The following PHKA1 variants were observed in gnomAD, a reference collection of about 807,000 sequenced individuals.
The protein encoded by PHKA1 is phosphorylase kinase regulatory subunit alpha 1, also known as phosphorylase b kinase regulatory subunit alpha, skeletal muscle isoform.
PHKA1 carries 60 observed loss-of-function variants against 110.2 expected under a neutral mutation model. The ratio of observed to expected loss-of-function variants is 0.54; its 90% CI spans 0.44 to 0.68. PHKA1 has a LOEUF of 0.68. PHKA1 is among the 30% of genes least tolerant of loss of function. The pLI is 0.00. For synonymous variants in PHKA1, 316 were observed against 333.6 expected, an observed-to-expected ratio of 0.95 and a Z score of 0.58; for missense variants, 801 against 942.5, an observed-to-expected ratio of 0.85 and a Z score of 1.97.
chrX:72,648,947 A>G (rs782338376), intron 13 of PHKA1, among the ~76,000 whole-genome samples: 32 of 111,526 alleles, frequency 2.9e-4, no homozygotes, highest in Admixed American at 1.9e-3. Flanking sequence ...GTTAGACTGC[A>G]CTGACGTCAA....
intron 28 of PHKA1, among the ~76,000 whole-genome samples, chrX:72,596,652 T>G (rs1287296885): frequency 1.8e-5 from 2 of 111,793 alleles, no homozygotes; most frequent in Admixed American, 9.5e-5. Flanking sequence ...CTAAATAAAT[T>G]GAAATATAGT....
intron 8 of PHKA1, among the ~76,000 whole-genome samples, chrX:72,658,212 C>A (rs1556302290): frequency 9.0e-6 from 1 of 111,345 alleles, no homozygotes; most frequent in African/African-American, 3.3e-5. Flanking sequence ...GTAACCCCAG[C>A]ACTTTGGGAG....
intron 28 of PHKA1, among the ~76,000 whole-genome samples, chrX:72,598,281 G>A (rs1435299502): frequency 9.0e-6 from 1 of 111,358 alleles, no homozygotes. Flanking sequence ...TAGCTATTAG[G>A]GCAATGCAAA....
rs782819677 is a variant in PHKA1 at position 72,618,826 on chromosome X, T to C, written c.2253A>G (p.Ile751Met). 10 of 1,203,188 alleles carry C rather than the reference T, an allele frequency of 8.3e-6. No homozygotes were observed. The highest frequency in any genetic ancestry group is 1.1e-5 in the Non-Finnish European group (10 of 889,063). Residue 751 changes from isoleucine to methionine, a missense_variant, in exon 21 of 32, where the codon ATA becomes ATG. Coordinates refer to ENST00000373542, the MANE Select transcript of PHKA1 (RefSeq NM_002637.4). ...CCCCAGACTGGTCTCTAGGAAGATGTATTTCTACACGAACAGAGGGAACCT... is the reference window on the plus strand; with the variant it reads ...CCCCAGACTGGTCTCTAGGAAGATGCATTTCTACACGAACAGAGGGAACCT... ...ENQVPSVRVE[I>M]HLPRDQSGEV...
chrX:72,705,728 AAGGGGAT>A (rs2054274878), intron 2 of PHKA1, among the ~76,000 whole-genome samples: 1 of 112,233 alleles, frequency 8.9e-6, no homozygotes, highest in Non-Finnish European at 1.9e-5. Flanking sequence ...AATAAGTATA[AAGGGGAT>A]CTGTTCATTT....
chrX:72,665,138 A>T (rs1311480257), intron 8 of PHKA1, among the ~76,000 whole-genome samples: 4 of 111,868 alleles, frequency 3.6e-5, no homozygotes, highest in African/African-American at 1.3e-4. Context: ...TTAAATAAAC[A>T]AAATTGGCAA....
chrX:72,609,631 T>A lies in PHKA1; in HGVS notation c.2599A>T (p.Ile867Phe). 1 of 1,197,096 alleles carries A rather than the reference T, an allele frequency of 8.4e-7. No individual in the cohort carries two copies. Among genetic ancestry groups the A allele is most frequent in the Non-Finnish European group, 1.1e-6 (1 of 882,118 alleles). The change falls in exon 23 of 32, where the codon ATC becomes TTC. Residue 867 changes from isoleucine (I) to phenylalanine (F), a missense_variant. By Grantham distance (21) the Ile-to-Phe change is conservative (BLOSUM62 0). Transcript: ENST00000373542. The stretch of plus-strand genomic sequence containing the variant: ...AAACCCAGCCATACTCACGCAGAGA[T>A]AGTCTTTTCTCGAGGTTCTGGAGGA... ...GLPPEPREKT[I>F]SAPLPYEALT...
chrX:72,688,589 C>A (rs2053996518), intron 4 of PHKA1, among the ~76,000 whole-genome samples: 1 of 112,052 alleles, frequency 8.9e-6, no homozygotes, highest in South Asian at 3.8e-4. Context: ...TCTTGAAATC[C>A]TACTGTTCTT....
At chrX:72,655,845 C>T (rs1196577314) in intron 10 of PHKA1, among the ~76,000 whole-genome samples, 1 of 112,250 alleles carries the variant, frequency 8.9e-6, no homozygotes, top group African/African-American at 3.2e-5. Context: ...TGGTCTTGAT[C>T]TCCTGACCTC....
Position 72,623,235 on chromosome X carries a change from A to G in PHKA1, c.1834T>C (p.Cys612Arg). The change falls in exon 18 of 32, where the codon TGT becomes CGT. Residue 612 changes from cysteine to arginine, a missense_variant. Around this residue, in one of 2 missense-constraint regions of PHKA1, gnomAD observed 502 missense variants for 519.2 expected, o/e 0.97. Transcript: ENST00000373542. ...GKLSEFLTTS[C>R]CTHLSFMDPG... is the part of the protein sequence containing the mutation. ...TCCATGAAGCTCAAGTGTGTGCAAC[A>G]AGATGTTGTCAAAAACTCTGACAAT... The G allele has an allele frequency of 8.3e-7, 1 of 1,210,762 alleles. No individual in the cohort carries two copies. The highest frequency in any genetic ancestry group is 1.1e-6 in the Non-Finnish European group (1 of 894,981).
chrX:72,617,480 AC>A (rs782261865), intron 21 of PHKA1, among the ~76,000 whole-genome samples: 2 of 111,565 alleles, frequency 1.8e-5, no homozygotes, highest in African/African-American at 6.5e-5. Flanking sequence ...TGATGATGCC[AC>A]TGCACTCCAG....
Position 72,704,814 on chromosome X carries a change from C to T in PHKA1, c.285+384G>A, listed in dbSNP as rs2054256925. Among the ~76,000 whole-genome samples, 3 of 111,853 alleles carry T rather than the reference C, an allele frequency of 2.7e-5. No homozygotes were observed. In the Admixed American group the frequency reaches 2.8e-4, roughly 11 times the overall value. ...CCATGTTGCCCAGGCTGGTCTCGAA[C>T]TTATGGACTCAAGCAATCCATCCGC... On this transcript the variant is annotated intron_variant, in intron 3 of 31. Transcript: ENST00000373542.
chrX:72,602,496 T>C (rs1170798597), intron 26 of PHKA1, among the ~76,000 whole-genome samples: 1 of 111,868 alleles, frequency 8.9e-6, no homozygotes, highest in Non-Finnish European at 1.9e-5. Context: ...TGAATCAAAA[T>C]GTGCATTTTA....
At position 72,580,005 on chromosome X, in the gene PHKA1, T is replaced by A. The variant is rs918004376; in HGVS notation, c.*997A>T. ...CACCTATAGACTGGACTGCTGTATT[T>A]ATCTTTGCTGAATACAGACGCTTCA... On this transcript the variant is annotated 3_prime_UTR_variant, in exon 32 of 32. Transcript: ENST00000373542. The A allele has an allele frequency of 1.8e-5, 2 of 111,613 alleles. No individual in the cohort carries two copies. Among genetic ancestry groups the A allele is most frequent in the Non-Finnish European group, 3.8e-5 (2 of 53,137 alleles). The allele number at this position is 111,613 out of a possible 1,213,427, so 9.2% of individuals were successfully genotyped here. A position where few individuals can be genotyped will look rare whatever the true frequency, so the allele number is the denominator to read the frequency against.
intron 26 of PHKA1, among the ~76,000 whole-genome samples, chrX:72,602,802 A>G (rs1227924760): frequency 8.9e-6 from 1 of 112,259 alleles, no homozygotes. Context: ...ATTATTGCCA[A>G]TTAGAATACA....
chrX:72,653,621 C>T, intron 10 of PHKA1, 91 bp from the exon 11 acceptor site: 1 of 567,805 alleles, frequency 1.8e-6, no homozygotes, highest in South Asian at 2.5e-5. Context: ...GGTCCTATTG[C>T]AAAGGAGCTT....
At chrX:72,610,899 T>A (rs2052799324) in intron 22 of PHKA1, 129 bp downstream of exon 22, 1 of 489,180 alleles carries the variant, frequency 2.0e-6, no homozygotes, top group Non-Finnish European at 3.5e-6. Flanking sequence ...GAACTGAATA[T>A]CAAATTTTAT....
intron 5 of PHKA1, among the ~76,000 whole-genome samples, chrX:72,679,338 T>C (rs2053815409): frequency 9.2e-6 from 1 of 108,984 alleles, no homozygotes; most frequent in South Asian, 4.1e-4. Flanking sequence ...ACTAGGTCCC[T>C]GAACAAAGCT....
chrX:72,633,210 C>A, intron 16 of PHKA1, among the ~76,000 whole-genome samples: 1 of 111,758 alleles, frequency 8.9e-6, no homozygotes, highest in Non-Finnish European at 1.9e-5. Context: ...ACTTAATCAC[C>A]AATGTGATAG....
Sources: allele counts gnomAD v4.1 joint callset (sites outside exome capture counted in the v4.1 genomes callset), GRCh38; gene constraint gnomAD v4.1.1; regional missense constraint gnomAD v4.1.1; transcripts MANE v1.5; gene names NCBI Gene and HGNC (gene_info 2026-07-23, HGNC 2026-07-21).